PHOSPHO2: variants seen among roughly 807,000 people sequenced by gnomAD.
The protein encoded by PHOSPHO2 is phosphatase, orphan 2, also known as pyridoxal phosphate phosphatase PHOSPHO2.
PHOSPHO2 carries 14 observed loss-of-function variants against 16.4 expected under a neutral mutation model. The observed-to-expected ratio is 0.85, with a 90% CI of 0.56 to 1.33. The LOEUF (loss-of-function observed/expected upper bound fraction) is 1.33. PHOSPHO2 is among the 40% of genes most tolerant of loss of function. PHOSPHO2 has a pLI of 0.00. For synonymous variants in PHOSPHO2, 85 were observed against 90.5 expected (o/e 0.94, Z 0.34); for missense variants, 246 against 282.5 (o/e 0.87, Z 0.93).
In PHOSPHO2 at chr2:169,701,307, C is replaced by A; in HGVS notation, c.336C>A (p.Ala112=). 6.2e-7 allele frequency: 1 copy of A among 1,612,344 alleles called. No homozygotes were observed. The highest frequency in any genetic ancestry group is 1.1e-5 in the South Asian group (1 of 90,770). ...TCATAGATTGGGTTTTAGAAGCTGC[C>A]AGTTTTCATGACATATTTGATAAAG... The part of the protein sequence containing the change: ...SVFIDWVLEA[A]SFHDIFDKVF... Residue 112 remains alanine (A), a synonymous_variant, in exon 4 of 4, where the codon GCC becomes GCA. Coordinates refer to ENST00000359744, the MANE Select transcript of PHOSPHO2 (RefSeq NM_001008489.4).
At position 169,697,079 on chromosome 2, in the gene PHOSPHO2, G is replaced by T. The variant is rs532573358; in HGVS notation, c.-197-282G>T. ...TGCCCAGGCTAGAGTGCAGTGGCGC[G>T]ATCTCGGCTCACTGCAAGCTCCGCC... On this transcript the variant is annotated intron_variant, in intron 2 of 3. Coordinates refer to ENST00000359744, the MANE Select transcript of PHOSPHO2 (RefSeq NM_001008489.4). 5.3e-5 allele frequency among the ~76,000 whole-genome samples: 8 copies of T among 151,392 alleles called. No individual in the cohort carries two copies. In the South Asian group the frequency reaches 1.7e-3, roughly 32 times the overall value.
At position 169,701,039 on chromosome 2, in the gene PHOSPHO2, T is replaced by G; in HGVS notation, c.68T>G (p.Val23Gly). ...IIDDNSDTWI[V>G]QCAPNKKLPI... ...GATGACAATAGTGACACTTGGATTG[T>G]ACAATGTGCTCCCAACAAAAAGCTT... The change falls in exon 4 of 4, where the codon GTA becomes GGA. Residue 23 changes from valine (V) to glycine (G), a missense_variant. By Grantham distance (109) the Val-to-Gly change is moderately radical. Transcript: ENST00000359744. The G allele has an allele frequency of 6.2e-7, 1 of 1,613,704 alleles. No individual in the cohort carries two copies. The highest frequency in any genetic ancestry group is 8.5e-7 in the Non-Finnish European group (1 of 1,179,938).
intron 3 of PHOSPHO2, among the ~76,000 whole-genome samples, chr2:169,699,802 A>T (rs1395666659): frequency 6.6e-6 from 1 of 151,612 alleles, no homozygotes; most frequent in Non-Finnish European, 1.5e-5. Context: ...TTTTTTTCAT[A>T]TATTTCTTGG....
intron 3 of PHOSPHO2, among the ~76,000 whole-genome samples, chr2:169,699,247 T>C (rs906520243): frequency 1.3e-5 from 2 of 149,376 alleles, no homozygotes; most frequent in Admixed American, 6.7e-5. Context: ...CTCCCACTTA[T>C]AAGTGAGAAC....
intron 2 of PHOSPHO2, among the ~76,000 whole-genome samples, chr2:169,695,556 G>T (rs1377526774): frequency 1.3e-5 from 2 of 151,848 alleles, no homozygotes; most frequent in African/African-American, 4.8e-5. Context: ...AGAATGGCGT[G>T]AACCTGGGAG....
intron 3 of PHOSPHO2, 56 bp from the exon 4 acceptor site, chr2:169,700,888 ATT>A (rs1687729447): frequency 2.8e-6 from 4 of 1,410,736 alleles, no homozygotes; most frequent in Non-Finnish European, 3.8e-6. Context: ...TTAAATAAGT[ATT>A]TTAGCTAGAT....
chr2:169,694,514 G>A lies in PHOSPHO2; in HGVS notation c.-339G>A. Reference sequence around the variant, plus strand: ...AGAAGAGAGGCGCCTGCGCTTGCGAGCTGGGCTTGTGAGTGGGGCTGCCGA... The same window carrying A: ...AGAAGAGAGGCGCCTGCGCTTGCGAACTGGGCTTGTGAGTGGGGCTGCCGA... On this transcript the variant is annotated 5_prime_UTR_variant, in exon 1 of 4. Transcript: ENST00000359744. 1.5e-6 allele frequency: 1 copy of A among 654,908 alleles called. No individual in the cohort carries two copies. The highest frequency in any genetic ancestry group is 2.7e-6 in the Non-Finnish European group (1 of 365,126). 40.6% of individuals were successfully genotyped at this position (654,908 alleles called of 1,614,324 possible). A position where few individuals can be genotyped will look rare whatever the true frequency, so the allele number is the denominator to read the frequency against.
chr2:169,697,044 C>G (rs1429241733), intron 2 of PHOSPHO2, among the ~76,000 whole-genome samples: 2 of 147,966 alleles, frequency 1.4e-5, no homozygotes, highest in Non-Finnish European at 3.0e-5. Context: ...GACACGGAGT[C>G]TCGCTCTGTT....
chr2:169,695,590 A>G (rs1319730481), intron 2 of PHOSPHO2, among the ~76,000 whole-genome samples: 1 of 151,888 alleles, frequency 6.6e-6, no homozygotes, highest in African/African-American at 2.4e-5. Flanking sequence ...TGAGCCGACC[A>G]TCGTGCCACT....
At position 169,701,657 on chromosome 2, in the gene PHOSPHO2, T is replaced by C; in HGVS notation, c.686T>C (p.Val229Ala). The C allele has an allele frequency of 6.4e-7, 1 of 1,566,438 alleles. No individual in the cohort carries two copies. The highest frequency in any genetic ancestry group is 8.6e-7 in the Non-Finnish European group (1 of 1,162,204). ...EYSVVVWSSG[V>A]DIISHLQFLI... ...TCTGTTGTAGTTTGGTCCTCAGGTG[T>C]TGATATAATTTCTCATTTACAATTT... Residue 229 changes from valine to alanine, a missense_variant, in exon 4 of 4, where the codon GTT becomes GCT. Transcript: ENST00000359744.
Position 169,701,348 on chromosome 2 carries a change from C to G in PHOSPHO2, c.377C>G (p.Ala126Gly), listed in dbSNP as rs1443791921. The G allele has an allele frequency of 1.2e-6, 2 of 1,613,240 alleles. No individual in the cohort carries two copies. The highest frequency in any genetic ancestry group is 1.7e-6 in the Non-Finnish European group (2 of 1,179,804). The change falls in exon 4 of 4, where the codon GCA (alanine) becomes GGA (glycine). Residue 126 changes from alanine (A) to glycine (G), a missense_variant. Ala to Gly is a moderately conservative substitution (Grantham distance 60). Transcript: ENST00000359744. ...DIFDKVFTNP[A>G]AFNSNGHLTV... Reference sequence around the variant, plus strand: ...TTTGATAAAGTGTTTACAAATCCAGCAGCTTTTAATAGCAATGGTCATCTC... The same window carrying G: ...TTTGATAAAGTGTTTACAAATCCAGGAGCTTTTAATAGCAATGGTCATCTC...
At chr2:169,697,021 T>A (rs530326610) in intron 2 of PHOSPHO2, among the ~76,000 whole-genome samples, 5 of 53,134 alleles carry the variant, frequency 9.4e-5, no homozygotes, top group Non-Finnish European at 1.9e-4. Context: ...AAAAAAAAAA[T>A]TTTTTTTTTT....
chr2:169,694,524 T>C lies in PHOSPHO2; in HGVS notation c.-329T>C, dbSNP rs2105585405. The C allele has an allele frequency of 4.7e-6, 3 of 637,982 alleles. No individual in the cohort carries two copies. The East Asian group carries it at 8.2e-5, about 17-fold the overall frequency. 39.5% of individuals were successfully genotyped at this position (637,982 alleles called of 1,614,324 possible). ...CGCCTGCGCTTGCGAGCTGGGCTTG[T>C]GAGTGGGGCTGCCGAGAGGGCAGGC... On this transcript the variant is annotated 5_prime_UTR_variant, in exon 1 of 4. Coordinates refer to ENST00000359744, the MANE Select transcript of PHOSPHO2 (RefSeq NM_001008489.4).
rs149327414 is a variant in PHOSPHO2 at position 169,701,332 on chromosome 2, G to T, written c.361G>T (p.Val121Leu). The T allele has an allele frequency of 3.1e-6, 5 of 1,612,934 alleles. No homozygotes were observed. In the Admixed American group the frequency reaches 8.4e-5, roughly 27 times the overall value. Residue 121 changes from valine to leucine, a missense_variant, in exon 4 of 4, where the codon GTG becomes TTG. By Grantham distance (32) the Val-to-Leu change is conservative. Coordinates refer to ENST00000359744, the MANE Select transcript of PHOSPHO2 (RefSeq NM_001008489.4). ...AASFHDIFDK[V>L]FTNPAAFNSN... ...CAGTTTTCATGACATATTTGATAAAGTGTTTACAAATCCAGCAGCTTTTAA... is the reference window on the plus strand; with the variant it reads ...CAGTTTTCATGACATATTTGATAAATTGTTTACAAATCCAGCAGCTTTTAA...
intron 1 of PHOSPHO2, 37 bp downstream of exon 1, chr2:169,694,659 T>C: frequency 2.3e-6 from 1 of 439,286 alleles, no homozygotes; most frequent in Non-Finnish European, 4.3e-6. Context: ...CCCTGCCTGC[T>C]ACTCCCATCC....
At position 169,700,970 on chromosome 2, in the gene PHOSPHO2, C is replaced by T; in HGVS notation, c.-2C>T. 6.3e-7 allele frequency: 1 copy of T among 1,584,724 alleles called. No individual in the cohort carries two copies. The highest frequency in any genetic ancestry group is 8.6e-7 in the Non-Finnish European group (1 of 1,168,184). Reference sequence around the variant, plus strand: ...GGGTAATCCAAATCTATTTCTGGAACCATGAAAATTTTGCTAGTTTTTGAC... The same window carrying T: ...GGGTAATCCAAATCTATTTCTGGAATCATGAAAATTTTGCTAGTTTTTGAC... On this transcript the variant is annotated 5_prime_UTR_variant, in exon 4 of 4. Transcript: ENST00000359744.
At chr2:169,700,047 G>C (rs1687695225) in intron 3 of PHOSPHO2, among the ~76,000 whole-genome samples, 1 of 151,910 alleles carries the variant, frequency 6.6e-6, no homozygotes, top group Non-Finnish European at 1.5e-5. Context: ...TTTCACTTCA[G>C]GGATGGTGGA....
Position 169,701,319 on chromosome 2 carries a change from C to T in PHOSPHO2, c.348C>T (p.Asp116=). The T allele has an allele frequency of 6.2e-7, 1 of 1,612,594 alleles. No individual in the cohort carries two copies. The highest frequency in any genetic ancestry group is 1.3e-5 in the African/African-American group (1 of 74,946). ...TTTTAGAAGCTGCCAGTTTTCATGA[C>T]ATATTTGATAAAGTGTTTACAAATC... ...DWVLEAASFH[D]IFDKVFTNPA... The change falls in exon 4 of 4, where the codon GAC becomes GAT. Residue 116 remains aspartate (D), a synonymous_variant. Coordinates refer to ENST00000359744, the MANE Select transcript of PHOSPHO2 (RefSeq NM_001008489.4).
In PHOSPHO2 at chr2:169,701,663, T is replaced by C; in HGVS notation, c.692T>C (p.Ile231Thr). 1 of 1,560,150 alleles carries C rather than the reference T, an allele frequency of 6.4e-7. No homozygotes were observed. The highest frequency in any genetic ancestry group is 8.6e-7 in the Non-Finnish European group (1 of 1,157,836). Residue 231 changes from isoleucine (I) to threonine (T), a missense_variant, in exon 4 of 4, where the codon ATA becomes ACA. Transcript: ENST00000359744. ...SVVVWSSGVD[I>T]ISHLQFLIKD Reference sequence around the variant, plus strand: ...GTAGTTTGGTCCTCAGGTGTTGATATAATTTCTCATTTACAATTTCTAATA... The same window carrying C: ...GTAGTTTGGTCCTCAGGTGTTGATACAATTTCTCATTTACAATTTCTAATA...
Sources: allele counts gnomAD v4.1 joint callset (sites outside exome capture counted in the v4.1 genomes callset), GRCh38; gene constraint gnomAD v4.1.1; transcripts MANE v1.5; gene names NCBI Gene and HGNC (gene_info 2026-07-23, HGNC 2026-07-21).